ATF6: variants seen among roughly 807,000 people sequenced by gnomAD.
The protein encoded by ATF6 is cyclic AMP-dependent transcription factor ATF-6 alpha.
Under a neutral mutation model 83.6 loss-of-function variants are expected in ATF6, and 53 were observed. That is an observed-to-expected ratio of 0.63 (90% confidence interval 0.51 to 0.80). ATF6 has a LOEUF of 0.80. Ranked by LOEUF, ATF6 falls within the 30% of genes least tolerant of loss-of-function variation. The pLI is 0.00. For missense variants in ATF6, 744 were observed against 797.9 expected, an observed-to-expected ratio of 0.93 and a Z score of 0.81; for synonymous variants, 288 against 285.8, an observed-to-expected ratio of 1.01 and a Z score of -0.08.
chr1:161,842,003 G>C (rs997461536), intron 9 of ATF6, among the ~76,000 whole-genome samples: 1 of 152,148 alleles, frequency 6.6e-6, no homozygotes, highest in Non-Finnish European at 1.5e-5. Flanking sequence ...ATCATTAAAA[G>C]AACAATGATT....
At chr1:161,789,324 C>T (rs1455947517) in intron 4 of ATF6, among the ~76,000 whole-genome samples, 1 of 147,956 alleles carries the variant, frequency 6.8e-6, no homozygotes, top group Non-Finnish European at 1.5e-5. Flanking sequence ...CAGTACCCTC[C>T]CCAGCCTCTG....
chr1:161,911,133 T>C (rs188798504), intron 14 of ATF6, among the ~76,000 whole-genome samples: 1 of 152,334 alleles, frequency 6.6e-6, no homozygotes, highest in East Asian at 1.9e-4. Flanking sequence ...GATCCTACTT[T>C]TTGATGAGTT....
At chr1:161,935,946 A>T (rs1044180831) in intron 15 of ATF6, among the ~76,000 whole-genome samples, 1 of 152,180 alleles carries the variant, frequency 6.6e-6, no homozygotes, top group African/African-American at 2.4e-5. Context: ...GTGCTTTTCA[A>T]TTATTGGTTC....
chr1:161,958,281 C>T (rs1689008788), intron 15 of ATF6, among the ~76,000 whole-genome samples, 165 bp from the exon 16 acceptor site: 1 of 152,198 alleles, frequency 6.6e-6, no homozygotes, highest in South Asian at 2.1e-4. Flanking sequence ...GGCACCCAGC[C>T]CACTTGTAGC....
chr1:161,880,736 C>A (rs902262084), intron 14 of ATF6, among the ~76,000 whole-genome samples: 1 of 152,096 alleles, frequency 6.6e-6, no homozygotes, highest in Non-Finnish European at 1.5e-5. Context: ...GGGACAAATG[C>A]ACTCACTTCC....
intron 9 of ATF6, among the ~76,000 whole-genome samples, chr1:161,835,790 G>T (rs1039682636): frequency 5.3e-4 from 81 of 152,178 alleles, no homozygotes; most frequent in African/African-American, 1.9e-3. Flanking sequence ...GCAGATTATA[G>T]ATTCCTTTGT....
At chr1:161,900,873 A>T (rs1687772552) in intron 14 of ATF6, among the ~76,000 whole-genome samples, 1 of 152,156 alleles carries the variant, frequency 6.6e-6, no homozygotes, top group South Asian at 2.1e-4. Flanking sequence ...TGAAAAATGA[A>T]AACTTTGATT....
chr1:161,856,087 A>G (rs1686752509), intron 12 of ATF6, among the ~76,000 whole-genome samples: 1 of 152,242 alleles, frequency 6.6e-6, no homozygotes, highest in East Asian at 1.9e-4. Flanking sequence ...ATCTTAAACT[A>G]TTTAATTATT....
At chr1:161,913,080 C>A (rs1450505814) in intron 15 of ATF6, among the ~76,000 whole-genome samples, 1 of 152,084 alleles carries the variant, frequency 6.6e-6, no homozygotes, top group Non-Finnish European at 1.5e-5. Flanking sequence ...AACTCACTCC[C>A]ATTACCAGTT....
chr1:161,801,817 A>G (rs1307931434), intron 6 of ATF6, among the ~76,000 whole-genome samples: 2 of 152,228 alleles, frequency 1.3e-5, no homozygotes, highest in East Asian at 3.8e-4. Context: ...AAGAAAGTAT[A>G]TTAAAGTATA....
At chr1:161,921,848 G>A in intron 15 of ATF6, among the ~76,000 whole-genome samples, 1 of 152,090 alleles carries the variant, frequency 6.6e-6, no homozygotes, top group Non-Finnish European at 1.5e-5. Flanking sequence ...TCCATCTGTT[G>A]TATTGTCTTA....
chr1:161,905,169 A>G (rs2101882784), intron 14 of ATF6, among the ~76,000 whole-genome samples: 1 of 152,272 alleles, frequency 6.6e-6, no homozygotes, highest in Non-Finnish European at 1.5e-5. Context: ...AGAAATTTGT[A>G]GAATCATTGA....
chr1:161,883,395 G>A (rs932642466), intron 14 of ATF6, among the ~76,000 whole-genome samples: 2 of 151,966 alleles, frequency 1.3e-5, no homozygotes, highest in African/African-American at 4.8e-5. Flanking sequence ...CTCATTTCAT[G>A]TGATGTCTAT....
intron 7 of ATF6, among the ~76,000 whole-genome samples, chr1:161,812,216 CAG>C (rs1201386559): frequency 6.6e-6 from 1 of 151,960 alleles, no homozygotes; most frequent in Non-Finnish European, 1.5e-5. Flanking sequence ...AAGGAACAGA[CAG>C]AGTGCTCAGA....
chr1:161,946,606 C>T (rs187868953), intron 15 of ATF6, among the ~76,000 whole-genome samples: 7 of 152,340 alleles, frequency 4.6e-5, no homozygotes, highest in African/African-American at 1.7e-4. Context: ...TGCATACATT[C>T]TGCAAAGCCC....
At chr1:161,804,495 A>C (rs2101758839) in intron 7 of ATF6, among the ~76,000 whole-genome samples, 1 of 152,220 alleles carries the variant, frequency 6.6e-6, no homozygotes, top group South Asian at 2.1e-4. Context: ...GAGAGGATGG[A>C]AAGTAGACCT....
At chr1:161,945,369 A>G (rs1399428958) in intron 15 of ATF6, among the ~76,000 whole-genome samples, 1 of 151,882 alleles carries the variant, frequency 6.6e-6, no homozygotes, top group Non-Finnish European at 1.5e-5. Context: ...ATTTCTCCTT[A>G]CCCTTGAGCA....
At chr1:161,950,194 TG>T (rs1688833779) in intron 15 of ATF6, among the ~76,000 whole-genome samples, 1 of 152,198 alleles carries the variant, frequency 6.6e-6, no homozygotes, top group Admixed American at 6.5e-5. Context: ...GAGAGTAATT[TG>T]GTAGTATCAT....
chr1:161,919,881 T>G (rs1185988396), intron 15 of ATF6, among the ~76,000 whole-genome samples: 1 of 152,210 alleles, frequency 6.6e-6, no homozygotes, highest in Non-Finnish European at 1.5e-5. Context: ...ATGCAACACA[T>G]TTTTAGTTGG....
Sources: gnomAD v4.1 joint callset for allele counts (sites outside exome capture counted in the v4.1 genomes callset) on GRCh38, gnomAD v4.1.1 for gene constraint, MANE v1.5 for transcripts, NCBI Gene and HGNC (gene_info 2026-07-23, HGNC 2026-07-21) for gene names.